The following PXYLP1 variants were observed in gnomAD, a reference collection of about 807,000 sequenced individuals.
PXYLP1 encodes acid phosphatase-like 2.
PXYLP1 carries 17 observed loss-of-function variants against 37.9 expected under a neutral mutation model. The observed-to-expected ratio is 0.45, with a 90% CI of 0.31 to 0.67. PXYLP1 has a LOEUF of 0.67. Ranked by LOEUF, PXYLP1 falls within the 30% of genes least tolerant of loss-of-function variation. The pLI is 0.07. For synonymous variants in PXYLP1, 221 were observed against 232.2 expected (o/e 0.95, Z 0.44); for missense variants, 511 against 612.0 (o/e 0.84, Z 1.74).
At chr3:141,264,840 C>T (rs550732357) in intron 2 of PXYLP1, among the ~76,000 whole-genome samples, 5 of 152,270 alleles carry the variant, frequency 3.3e-5, no homozygotes, top group African/African-American at 1.2e-4. Context: ...ATAGGGTTGG[C>T]AAAGGATTCA....
chr3:141,278,525 C>T, intron 3 of PXYLP1, 25 bp downstream of exon 3: 1 of 1,612,912 alleles, frequency 6.2e-7, no homozygotes, highest in Non-Finnish European at 8.5e-7. Context: ...GCCACCAGGA[C>T]AGATACCCCT....
chr3:141,274,604 C>T (rs921399338), intron 2 of PXYLP1: 4 of 841,638 alleles, frequency 4.8e-6, no homozygotes, highest in South Asian at 2.8e-5. Flanking sequence ...TGGAGCACAG[C>T]GTCTGCCCCA....
At chr3:141,287,163 TGAA>T (rs1316029392) in intron 4 of PXYLP1, 148 bp from the exon 5 acceptor site, 10 of 820,172 alleles carry the variant, frequency 1.2e-5, no homozygotes, top group Non-Finnish European at 1.8e-5. Context: ...CGAGAAATAA[TGAA>T]ATTGGAACTG....
chr3:141,269,669 T>C (rs1195233953), intron 2 of PXYLP1, among the ~76,000 whole-genome samples: 1 of 152,178 alleles, frequency 6.6e-6, no homozygotes, highest in African/African-American at 2.4e-5. Context: ...GAGATGAGGA[T>C]CAATCGTTTT....
At chr3:141,237,277 A>G (rs1387609765) in intron 1 of PXYLP1, among the ~76,000 whole-genome samples, 2 of 152,244 alleles carry the variant, frequency 1.3e-5, no homozygotes, top group African/African-American at 2.4e-5. Context: ...ACAAACAAAC[A>G]AAAACTCTGT....
intron 5 of PXYLP1, among the ~76,000 whole-genome samples, chr3:141,289,276 C>A (rs866433080): frequency 3.3e-5 from 5 of 151,380 alleles, no homozygotes; most frequent in African/African-American, 9.8e-5. Context: ...GTTCTAGACA[C>A]AAAAACAGAA....
chr3:141,259,650 G>T (rs956119857), intron 1 of PXYLP1, among the ~76,000 whole-genome samples: 3 of 152,130 alleles, frequency 2.0e-5, no homozygotes, highest in South Asian at 2.1e-4. Context: ...GGGACATGTT[G>T]TGATGATTGT....
Position 141,243,341 on chromosome 3 carries a change from C to A in PXYLP1, c.-54+11430C>A, listed in dbSNP as rs1047467372. Among the ~76,000 whole-genome samples, 7 of 152,196 alleles carry A rather than the reference C, an allele frequency of 4.6e-5. No homozygotes were observed. The East Asian group carries it at 1.3e-3, about 29-fold the overall frequency. On this transcript the variant is annotated intron_variant, in intron 1 of 5. Coordinates refer to ENST00000286353, the MANE Select transcript of PXYLP1 (RefSeq NM_001037172.3). Reference sequence around the variant, plus strand: ...TATCAGCAGCTTGAGAGTGACATTTCAAGAATACCACCTTCATCCAGTCAG... The same window carrying A: ...TATCAGCAGCTTGAGAGTGACATTTAAAGAATACCACCTTCATCCAGTCAG...
At chr3:141,271,599 G>A (rs189364203) in intron 2 of PXYLP1, among the ~76,000 whole-genome samples, 10 of 152,264 alleles carry the variant, frequency 6.6e-5, no homozygotes, top group South Asian at 4.1e-4. Flanking sequence ...CACATTTCCC[G>A]GGAAACTCTG....
chr3:141,277,886 C>T (rs1398257360), intron 2 of PXYLP1, among the ~76,000 whole-genome samples: 1 of 152,180 alleles, frequency 6.6e-6, no homozygotes, highest in Non-Finnish European at 1.5e-5. Context: ...AGATGAGCGA[C>T]TCTGAAGGCC....
chr3:141,261,012 T>C (rs1941382361), intron 2 of PXYLP1, among the ~76,000 whole-genome samples: 1 of 152,204 alleles, frequency 6.6e-6, no homozygotes, highest in South Asian at 2.1e-4. Context: ...CCCCCTCTCA[T>C]TGTTTCCCTT....
At chr3:141,265,699 C>G (rs746940657) in intron 2 of PXYLP1, among the ~76,000 whole-genome samples, 1 of 152,106 alleles carries the variant, frequency 6.6e-6, no homozygotes, top group African/African-American at 2.4e-5. Flanking sequence ...GAGTCTGGCT[C>G]GGGGAGTTCA....
intron 4 of PXYLP1, among the ~76,000 whole-genome samples, chr3:141,284,898 A>G (rs1260919204): frequency 6.6e-6 from 1 of 152,212 alleles, no homozygotes; most frequent in Non-Finnish European, 1.5e-5. Flanking sequence ...TCTACAGATT[A>G]TGGAAGGCTT....
At chr3:141,262,852 T>TA in intron 2 of PXYLP1, 1 of 658,614 alleles carries the variant, frequency 1.5e-6, no homozygotes, top group Non-Finnish European at 2.6e-6. Flanking sequence ...CGCACAGGTT[T>TA]CGCTTATATA....
At position 141,278,457 on chromosome 3, in the gene PXYLP1, T is replaced by C; in HGVS notation, c.195T>C (p.Leu65=). The C allele has an allele frequency of 6.2e-7, 1 of 1,614,180 alleles. No individual in the cohort carries two copies. Among genetic ancestry groups the C allele is most frequent in the Non-Finnish European group, 8.5e-7 (1 of 1,180,028 alleles). The change falls in exon 3 of 6, where the codon CTT becomes CTC. Residue 65 remains leucine (L), a synonymous_variant. Coordinates refer to ENST00000286353, the MANE Select transcript of PXYLP1 (RefSeq NM_001037172.3). ...PPVTDPVYEA[L]LYCNIPSVAE... ...TGACAGACCCCGTTTATGAAGCTCT[T>C]TTGTACTGCAACATCCCCAGCGTGG... is the stretch of plus-strand genomic sequence containing the variant.
chr3:141,281,229 C>G (rs1941946633), intron 4 of PXYLP1, among the ~76,000 whole-genome samples: 1 of 152,170 alleles, frequency 6.6e-6, no homozygotes, highest in Non-Finnish European at 1.5e-5. Flanking sequence ...AAGCAGGCAC[C>G]TACATGAAGT....
intron 4 of PXYLP1, among the ~76,000 whole-genome samples, chr3:141,283,038 C>T (rs1941989886): frequency 6.6e-6 from 1 of 151,986 alleles, no homozygotes; most frequent in Non-Finnish European, 1.5e-5. Context: ...ATGAACTTGG[C>T]TCGTTGCAAC....
At chr3:141,255,122 T>C (rs942374063) in intron 1 of PXYLP1, among the ~76,000 whole-genome samples, 7 of 152,272 alleles carry the variant, frequency 4.6e-5, no homozygotes, top group African/African-American at 1.7e-4. Flanking sequence ...TATTAACTAG[T>C]ACTATGTTTC....
intron 2 of PXYLP1, among the ~76,000 whole-genome samples, chr3:141,272,156 G>C (rs76800937): frequency 0.05 from 7,573 of 152,258 alleles, 314 homozygotes; most frequent in Admixed American, 0.12. Flanking sequence ...TGACACCCTA[G>C]GGGAAAGAAA....
Sources: allele counts gnomAD v4.1 joint callset (sites outside exome capture counted in the v4.1 genomes callset), GRCh38; gene constraint gnomAD v4.1.1; transcripts MANE v1.5; gene names NCBI Gene and HGNC (gene_info 2026-07-23, HGNC 2026-07-21).